The following FAM83G variants were observed in gnomAD, a reference collection of about 807,000 sequenced individuals.
FAM83G encodes scaffolding CK1 anchoring protein G.
A neutral mutation model predicts 61.5 loss-of-function variants in FAM83G; 38 were observed. The ratio of observed to expected loss-of-function variants is 0.62; its 90% CI spans 0.48 to 0.81. The LOEUF is 0.81. Among genes scored for constraint, FAM83G ranks in the 30% least tolerant of loss-of-function variants. The pLI is 0.00. For missense variants in FAM83G, 989 were observed against 1,133.6 expected (o/e 0.87, Z 1.83); for synonymous variants, 470 against 476.1 (o/e 0.99, Z 0.17).
At position 18,978,244 on chromosome 17, in the gene FAM83G, A is replaced by G; in HGVS notation, c.1422T>C (p.Pro474=). The change falls in exon 5 of 6, where the codon CCT becomes CCC. Residue 474 remains proline (P), a synonymous_variant. Transcript: ENST00000388995. ...GGGCACTGGGCTCTGGGGGAGGGCAAGGCTCTGGACGGGGCCTGCTGTCCT... is the reference window on the plus strand; with the variant it reads ...GGGCACTGGGCTCTGGGGGAGGGCAGGGCTCTGGACGGGGCCTGCTGTCCT... ...QSQDSRPRPE[P]CPPPEPSAPQ... The G allele has an allele frequency of 6.3e-7, 1 of 1,595,616 alleles. No homozygotes were observed. The highest frequency in any genetic ancestry group is 8.5e-7 in the Non-Finnish European group (1 of 1,169,802).
intron 2 of FAM83G, among the ~76,000 whole-genome samples, chr17:18,999,232 C>T (rs1001762866): frequency 2.6e-5 from 4 of 151,720 alleles, no homozygotes; most frequent in East Asian, 1.9e-4. Flanking sequence ...GAGCAGAGAT[C>T]GTGCCACTGC....
In FAM83G at chr17:18,971,690, A is replaced by G. The variant is rs772307364; in HGVS notation, c.2141T>C (p.Phe714Ser). The part of the protein sequence containing the change: ...PASGTRDKDG[F>S]PGPPRYRSAA... The stretch of plus-strand genomic sequence containing the variant: ...AGAGCGGTACCTAGGGGGTCCTGGG[A>G]AGCCGTCTTTATCCCTAGTCCCTGA... Residue 714 changes from phenylalanine to serine, a missense_variant, in exon 6 of 6, where the codon TTC (phenylalanine) becomes TCC (serine). This residue lies in a region of FAM83G where 574 missense variants were observed against 645.1 expected (regional missense o/e 0.89). Transcript: ENST00000388995. The surrounding 1 kb of genome is among the most constrained non-coding windows in gnomAD (Gnocchi z 5.5). 3.7e-6 allele frequency: 6 copies of G among 1,608,326 alleles called. No homozygotes were observed. The highest frequency in any genetic ancestry group is 1.7e-4 in the Middle Eastern group (1 of 6,040).
Position 19,004,098 on chromosome 17 carries a change from G to C in FAM83G, c.-57C>G. The C allele has an allele frequency of 3.3e-6, 5 of 1,510,250 alleles. No individual in the cohort carries two copies. Among genetic ancestry groups the C allele is most frequent in the Non-Finnish European group, 4.4e-6 (5 of 1,128,020 alleles). The allele number at this position is 1,510,250 out of a possible 1,614,324, so 93.6% of individuals were successfully genotyped here. A position where few individuals can be genotyped will look rare whatever the true frequency, so the allele number is the denominator to read the frequency against. On this transcript the variant is annotated 5_prime_UTR_variant, in exon 2 of 6. Coordinates refer to ENST00000388995, the MANE Select transcript of FAM83G (RefSeq NM_001039999.3). This position sits in a 1 kb window ranked among gnomAD's most constrained non-coding sequence, Gnocchi z 5.4. ...GTGGGTGGGCAAGGTCCAGCTCCTA[G>C]CTCCGGCCCAGCTGGGGCACCGCGC...
At chr17:18,977,439 T>C in intron 5 of FAM83G, 145 bp downstream of exon 5, 1 of 826,550 alleles carries the variant, frequency 1.2e-6, no homozygotes, top group Non-Finnish European at 1.9e-6. Context: ...CACCCCTGCC[T>C]GTTCATCAAG....
At chr17:18,994,417 A>T (rs990616884) in intron 2 of FAM83G, among the ~76,000 whole-genome samples, 3 of 152,142 alleles carry the variant, frequency 2.0e-5, no homozygotes, top group African/African-American at 7.2e-5. Context: ...GATTTGCAGG[A>T]CGGAGTGCCG....
At position 19,000,021 on chromosome 17, in the gene FAM83G, C is replaced by T. The variant is rs375135676; in HGVS notation, c.522+3499G>A. On this transcript the variant is annotated intron_variant, in intron 2 of 5. Transcript: ENST00000388995. This position sits in a 1 kb window ranked among gnomAD's most constrained non-coding sequence, Gnocchi z 5.2. ...CCAGCTCTGGCTGAGGAAGCCCCAA[C>T]CCAGCCCAGCCTCACGCCTTCTCAG... is the stretch of plus-strand genomic sequence containing the variant. Among the ~76,000 whole-genome samples the T allele has an allele frequency of 8.5e-5, 13 of 152,376 alleles. No individual in the cohort carries two copies. The East Asian group carries it at 1.2e-3, about 14-fold the overall frequency.
Position 18,969,621 on chromosome 17 carries a change from G to T in FAM83G, c.*1738C>A. ...TCAGGGACTGCCCTGGCTGGTAGAG[G>T]CTACCCACCCTGCTGCCCCGCTGTT... On this transcript the variant is annotated 3_prime_UTR_variant, in exon 6 of 6. Coordinates refer to ENST00000388995, the MANE Select transcript of FAM83G (RefSeq NM_001039999.3). The T allele has an allele frequency of 1.9e-6, 1 of 536,670 alleles. No homozygotes were observed. Among genetic ancestry groups the T allele is most frequent in the South Asian group, 2.9e-5 (1 of 34,482 alleles). 33.2% of individuals were successfully genotyped at this position (536,670 alleles called of 1,614,324 possible). A position where few individuals can be genotyped will look rare whatever the true frequency, so the allele number is the denominator to read the frequency against.
At chr17:18,978,917 C>A in intron 4 of FAM83G, 67 bp from the exon 5 acceptor site, 1 of 1,559,600 alleles carries the variant, frequency 6.4e-7, no homozygotes, top group Non-Finnish European at 8.7e-7. Flanking sequence ...CCCCCGTGCA[C>A]CCATAGCCGC....
chr17:18,979,391 C>G, intron 4 of FAM83G, 158 bp downstream of exon 4: 1 of 873,914 alleles, frequency 1.1e-6, no homozygotes, highest in African/African-American at 1.7e-5. Context: ...TGCCTGCCTC[C>G]AGAGACAGAC....
intron 4 of FAM83G, 135 bp downstream of exon 4, chr17:18,979,414 G>A (rs893966060): frequency 3.8e-6 from 4 of 1,060,412 alleles, no homozygotes; most frequent in Non-Finnish European, 5.4e-6. Context: ...GCGGGCAGAT[G>A]TGCTCCAGCC....
In FAM83G at chr17:18,968,926, G is replaced by T. The variant is rs2042767415; in HGVS notation, c.*2433C>A. On this transcript the variant is annotated 3_prime_UTR_variant, in exon 6 of 6. Transcript: ENST00000388995. The surrounding 1 kb of genome is among the most constrained non-coding windows in gnomAD (Gnocchi z 4.1). ...CCGTGATGCAGGCAGGCAGGCGAGT[G>T]GGGGTCTCCCCTCCTTATCCACAGG... The T allele has an allele frequency of 1.1e-5, 9 of 790,358 alleles. No homozygotes were observed. The highest frequency in any genetic ancestry group is 1.8e-5 in the Non-Finnish European group (9 of 509,402). 49.0% of individuals were successfully genotyped at this position (790,358 alleles called of 1,614,324 possible).
chr17:18,977,699 C>A lies in FAM83G; in HGVS notation c.1967G>T (p.Arg656Leu). The change falls in exon 5 of 6, where the codon CGA (arginine) becomes CTA (leucine). Residue 656 changes from arginine (R) to leucine (L), a missense_variant. Physicochemically the swap from Arg to Leu is moderately radical, Grantham distance 102 (BLOSUM62 -2). Coordinates refer to ENST00000388995, the MANE Select transcript of FAM83G (RefSeq NM_001039999.3). ...RRQLSAPHIT[R>L]GTFVGPQGGS... ...ACCCTGGGGTCCAACAAAGGTCCCT[C>A]GGGTTATATGGGGGGCACTCAGCTG... 6.2e-7 allele frequency: 1 copy of A among 1,610,482 alleles called. No individual in the cohort carries two copies. Among genetic ancestry groups the A allele is most frequent in the South Asian group, 1.1e-5 (1 of 90,912 alleles).
chr17:18,995,341 C>T (rs759807426), intron 2 of FAM83G, among the ~76,000 whole-genome samples: 12 of 151,724 alleles, frequency 7.9e-5, no homozygotes, highest in Non-Finnish European at 1.6e-4. Context: ...ACATTTAAGA[C>T]GAAAAATATA....
In FAM83G at chr17:19,003,433, C is replaced by T; in HGVS notation, c.522+87G>A. On this transcript the variant is annotated intron_variant, in intron 2 of 5. Coordinates refer to ENST00000388995, the MANE Select transcript of FAM83G (RefSeq NM_001039999.3). The surrounding 1 kb of genome is among the most constrained non-coding windows in gnomAD (Gnocchi z 4.5). ...GATCCCTAGAAGCCCATGTTGGGCT[C>T]CCGTTTTGGGCTCTGAGTGAGCCTG... 5.8e-6 allele frequency: 8 copies of T among 1,379,402 alleles called. No individual in the cohort carries two copies. In the African/African-American group the frequency reaches 6.0e-5, roughly 10 times the overall value. The allele number at this position is 1,379,402 out of a possible 1,614,324, so 85.4% of individuals were successfully genotyped here.
rs144025728 is a variant in FAM83G, at chr17:18,990,366, C to T, written c.523-1952G>A. On this transcript the variant is annotated intron_variant, in intron 2 of 5. Transcript: ENST00000388995. ...TGTGGTGGTAGCAGGGTCCTCCCTG[C>T]CTGGGATCTCCCAGACCCAAAGCCT... 5.3e-5 allele frequency among the ~76,000 whole-genome samples: 8 copies of T among 152,184 alleles called. 1 individual carries two copies. The highest frequency in any genetic ancestry group is 1.9e-4 in the African/African-American group (8 of 41,536).
intron 5 of FAM83G, among the ~76,000 whole-genome samples, chr17:18,972,586 G>A (rs1056933521): frequency 6.6e-6 from 1 of 152,198 alleles, no homozygotes; most frequent in African/African-American, 2.4e-5. Context: ...GACCTGGCCG[G>A]GGGCGGTGGC....
At chr17:19,001,205 G>A (rs1334911425) in intron 2 of FAM83G, among the ~76,000 whole-genome samples, 1 of 152,232 alleles carries the variant, frequency 6.6e-6, no homozygotes, top group Non-Finnish European at 1.5e-5. Flanking sequence ...ACACAAGCCT[G>A]GGCCACAGGT....
At chr17:18,973,790 T>C (rs999543918) in intron 5 of FAM83G, among the ~76,000 whole-genome samples, 10 of 151,868 alleles carry the variant, frequency 6.6e-5, no homozygotes, top group East Asian at 3.9e-4. Context: ...CTCCGCCTCC[T>C]GGGTTCAAGT....
At chr17:18,984,963 C>T (rs539757841) in intron 3 of FAM83G, among the ~76,000 whole-genome samples, 2 of 152,354 alleles carry the variant, frequency 1.3e-5, no homozygotes, top group South Asian at 2.1e-4. Flanking sequence ...CACTGGTGCA[C>T]GCTGCTCCCA....
Sources: gnomAD v4.1 joint callset for allele counts (sites outside exome capture counted in the v4.1 genomes callset) on GRCh38, gnomAD v4.1.1 for gene constraint, gnomAD v4.1.1 regional missense constraint, Gnocchi (gnomAD v3.1) non-coding constraint, MANE v1.5 for transcripts, NCBI Gene and HGNC (gene_info 2026-07-23, HGNC 2026-07-21) for gene names.